The following CD300E variants were observed in gnomAD, a reference collection of about 807,000 sequenced individuals.
CD300E encodes the protein CD300e molecule, also known as CMRF35-like molecule 2.
CD300E carries 14 observed loss-of-function variants against 20.9 expected under a neutral mutation model. That is an observed-to-expected ratio of 0.67 (90% CI 0.44 to 1.05). The LOEUF (loss-of-function observed/expected upper bound fraction) is 1.05, where lower values mean the gene tolerates loss of function less well. Among genes scored for constraint, CD300E ranks in the 50% least tolerant of loss-of-function variants. The pLI is 0.00. For synonymous variants in CD300E, 102 were observed against 103.7 expected (o/e 0.98, Z 0.10); for missense variants, 237 against 253.9 (o/e 0.93, Z 0.45).
At chr17:74,616,681 G>T (rs2030908176) in intron 2 of CD300E, among the ~76,000 whole-genome samples, 1 of 152,156 alleles carries the variant, frequency 6.6e-6, no homozygotes, top group South Asian at 2.1e-4. Context: ...GGGAGTAAGA[G>T]AAAGAGTAGC....
chr17:74,615,493 A>T (rs1261864409), intron 2 of CD300E, among the ~76,000 whole-genome samples: 1 of 152,196 alleles, frequency 6.6e-6, no homozygotes, highest in Non-Finnish European at 1.5e-5. Flanking sequence ...GTGTGTTCTC[A>T]GGAAGGTAGA....
At chr17:74,620,635 C>A (rs2031000338) in intron 1 of CD300E, among the ~76,000 whole-genome samples, 2 of 149,258 alleles carry the variant, frequency 1.3e-5, no homozygotes, top group South Asian at 4.2e-4. Context: ...AAGCGAGACT[C>A]CGGCCAAAAA....
In CD300E at chr17:74,617,446, G is replaced by T. The variant is rs780448754; in HGVS notation, c.60C>A (p.Gly20=). ...LCLSGCLSLK[G]PGSVTGTAGD... is the part of the protein sequence containing the mutation. ...CCGCAGTGCCAGTCACAGAGCCGGG[G>T]CCCTTCAGAGACAAACAGCCTGGAA... is the stretch of plus-strand genomic sequence containing the variant. The change falls in exon 2 of 4, where the codon GGC becomes GGA. Residue 20 remains glycine (G), a synonymous_variant. Coordinates refer to ENST00000392619, the MANE Select transcript of CD300E (RefSeq NM_181449.3). The T allele has an allele frequency of 4.3e-5, 70 of 1,613,024 alleles. No individual in the cohort carries two copies. The highest frequency in any genetic ancestry group is 5.8e-5 in the Non-Finnish European group (69 of 1,179,816).
chr17:74,623,702 T>A lies in CD300E; in HGVS notation c.-81A>T. 1.4e-6 allele frequency: 2 copies of A among 1,447,100 alleles called. No homozygotes were observed. The highest frequency in any genetic ancestry group is 9.7e-7 in the Non-Finnish European group (1 of 1,027,640). The allele number at this position is 1,447,100 out of a possible 1,614,324, so 89.6% of individuals were successfully genotyped here. On this transcript the variant is annotated 5_prime_UTR_variant, in exon 1 of 4. It removes an upstream start codon present in the reference 5' UTR. Coordinates refer to ENST00000392619, the MANE Select transcript of CD300E (RefSeq NM_181449.3). Reference sequence around the variant, plus strand: ...AGTATATGTAACGGAGCCTGGGTCATCCACTTTCTACTTGTCCAAGTTTCC... The same window carrying A: ...AGTATATGTAACGGAGCCTGGGTCAACCACTTTCTACTTGTCCAAGTTTCC...
At chr17:74,621,145 T>TA (rs2031013799) in intron 1 of CD300E, among the ~76,000 whole-genome samples, 1 of 152,202 alleles carries the variant, frequency 6.6e-6, no homozygotes, top group African/African-American at 2.4e-5. Context: ...TATGGTTGCT[T>TA]AGCCCAATTT....
chr17:74,623,195 A>G (rs1315410076), intron 1 of CD300E, among the ~76,000 whole-genome samples: 1 of 152,228 alleles, frequency 6.6e-6, no homozygotes, highest in Non-Finnish European at 1.5e-5. Context: ...ATCCTGCAGG[A>G]TGGACTTCCA....
Position 74,617,254 on chromosome 17 carries a change from AGCCTCCGGGT to A in CD300E, c.242_251del (p.His81LeufsTer6). ...TCTGCATGGTCACAGTGAAGGCGAGAGCCTCCGGGTGGTCTCTGATGGACACGCGGCCATT... is the reference window on the plus strand; with the variant it reads ...TCTGCATGGTCACAGTGAAGGCGAGAGGTCTCTGATGGACACGCGGCCATT... On this transcript the variant is annotated frameshift_variant, in exon 2 of 4. Transcript: ENST00000392619. LOFTEE classifies it high-confidence loss of function. The A allele has an allele frequency of 6.2e-7, 1 of 1,614,176 alleles. No homozygotes were observed. Among genetic ancestry groups the A allele is most frequent in the Non-Finnish European group, 8.5e-7 (1 of 1,180,034 alleles).
rs143689388 is a variant in CD300E at position 74,612,201 on chromosome 17, TTCTC to T, written c.*448_*451del. ...TTTTTCCCTCCCTTCCTCCGTCCTT[TTCTC>T]TCTCTCTCTCTCTCTCTCGCTCTCT... is the stretch of plus-strand genomic sequence containing the variant. On this transcript the variant is annotated 3_prime_UTR_variant, in exon 4 of 4. Coordinates refer to ENST00000392619, the MANE Select transcript of CD300E (RefSeq NM_181449.3). 42 of 142,414 alleles carry T rather than the reference TTCTC, an allele frequency of 2.9e-4. No individual in the cohort carries two copies. Among genetic ancestry groups the T allele is most frequent in the Admixed American group, 7.6e-4 (11 of 14,518 alleles). The allele number at this position is 142,414 out of a possible 1,614,324, so 8.8% of individuals were successfully genotyped here.
chr17:74,620,007 A>T (rs895035808), intron 1 of CD300E, among the ~76,000 whole-genome samples: 2 of 152,222 alleles, frequency 1.3e-5, no homozygotes, highest in Admixed American at 6.5e-5. Flanking sequence ...AACCAATTCA[A>T]ATTAATCTTC....
intron 1 of CD300E, 124 bp downstream of exon 1, chr17:74,623,454 GTGAA>G: frequency 2.4e-6 from 2 of 830,378 alleles, no homozygotes; most frequent in Non-Finnish European, 3.9e-6. Flanking sequence ...GGATGCACAG[GTGAA>G]TGAACGGATG....
At chr17:74,619,750 G>A (rs944868626) in intron 1 of CD300E, among the ~76,000 whole-genome samples, 13 of 152,110 alleles carry the variant, frequency 8.5e-5, no homozygotes, top group African/African-American at 2.9e-4. Flanking sequence ...CCTTCCCCAG[G>A]TCTCTATTGG....
At chr17:74,623,478 CTT>C (rs1345791563) in intron 1 of CD300E, 102 bp downstream of exon 1, 2 of 1,100,924 alleles carry the variant, frequency 1.8e-6, no homozygotes, top group African/African-American at 3.1e-5. Context: ...GTATCTTTCC[CTT>C]TTCTGTGGAC....
At chr17:74,619,024 C>T in intron 1 of CD300E, 1 of 466,656 alleles carries the variant, frequency 2.1e-6, no homozygotes, top group Non-Finnish European at 4.5e-6. Flanking sequence ...CTGCTCCCCA[C>T]CTACGTTCTC....
intron 1 of CD300E, 57 bp from the exon 2 acceptor site, chr17:74,617,522 G>T: frequency 1.4e-6 from 2 of 1,443,346 alleles, no homozygotes; most frequent in Non-Finnish European, 9.5e-7. Flanking sequence ...ATCAGCAGCC[G>T]TCTGTCTGAA....
chr17:74,615,737 G>A (rs1598149228), intron 2 of CD300E, among the ~76,000 whole-genome samples: 1 of 152,156 alleles, frequency 6.6e-6, no homozygotes, highest in African/African-American at 2.4e-5. Context: ...AGGGATGAGG[G>A]TTTTGTCAGG....
intron 1 of CD300E, among the ~76,000 whole-genome samples, chr17:74,623,366 C>T (rs1406423022): frequency 6.6e-6 from 1 of 152,190 alleles, no homozygotes; most frequent in East Asian, 1.9e-4. Flanking sequence ...AATTACAGCA[C>T]CCAGAACAGT....
rs72847172 is a variant in CD300E at position 74,614,942 on chromosome 17, G to A, written c.389-909C>T. On this transcript the variant is annotated intron_variant, in intron 2 of 3. Transcript: ENST00000392619. The stretch of plus-strand genomic sequence containing the variant: ...TCTCCCTAAAGCAGTTGTCCTGGAG[G>A]CTCAGCCCTTCACCGGTGCCCGACA... Among the ~76,000 whole-genome samples the A allele has an allele frequency of 6.2e-3, 939 of 152,340 alleles. 7 individuals carry two copies. The highest frequency in any genetic ancestry group is 9.1e-3 in the Non-Finnish European group (619 of 68,028).
rs1267812726 is a variant in CD300E, at chr17:74,614,173, TG to T, written c.389-141del. The T allele has an allele frequency of 1.9e-5, 13 of 679,448 alleles. No homozygotes were observed. The East Asian group carries it at 3.6e-4, about 19-fold the overall frequency. 42.1% of individuals were successfully genotyped at this position (679,448 alleles called of 1,614,324 possible). A position where few individuals can be genotyped will look rare whatever the true frequency, so the allele number is the denominator to read the frequency against. ...CTGAAGCCAGATCCAGGGCACCTCC[TG>T]GGTGAAACCCCTCAGGGACAAAAAG... On this transcript the variant is annotated intron_variant, in intron 2 of 3. Transcript: ENST00000392619.
At chr17:74,615,063 G>A (rs1479680308) in intron 2 of CD300E, among the ~76,000 whole-genome samples, 1 of 152,236 alleles carries the variant, frequency 6.6e-6, no homozygotes, top group Non-Finnish European at 1.5e-5. Context: ...TGGAGGGGCA[G>A]AGACACATAA....
Sources: allele counts gnomAD v4.1 joint callset (sites outside exome capture counted in the v4.1 genomes callset), GRCh38; gene constraint gnomAD v4.1.1; transcripts MANE v1.5; gene names NCBI Gene and HGNC (gene_info 2026-07-23, HGNC 2026-07-21).